Variants in AGXT2 observed in about 807,000 individuals in gnomAD.
The protein encoded by AGXT2 is alanine--glyoxylate aminotransferase 2, also known as alanine--glyoxylate aminotransferase 2, mitochondrial.
In AGXT2, 61 loss-of-function variants were observed where a neutral mutation model predicts 62.5. The observed-to-expected ratio is 0.98, with a 90% CI of 0.79 to 1.21. The LOEUF (loss-of-function observed/expected upper bound fraction) is 1.21. Ranked by LOEUF, AGXT2 falls within the 50% of genes most tolerant of loss-of-function variation. AGXT2 has a pLI of 0.00. For missense variants in AGXT2, 666 were observed against 641.5 expected (o/e 1.04, Z -0.41); for synonymous variants, 243 against 218.7 (o/e 1.11, Z -0.98).
Position 35,026,444 on chromosome 5 carries a change from T to G in AGXT2, c.836A>C (p.Lys279Thr). 1.2e-6 allele frequency: 2 copies of G among 1,614,186 alleles called. No individual in the cohort carries two copies. Among genetic ancestry groups the G allele is most frequent in the Non-Finnish European group, 1.7e-6 (2 of 1,180,012 alleles). Residue 279 changes from lysine to threonine, a missense_variant, in exon 8 of 14, where the codon AAG (lysine) becomes ACG (threonine). Lys to Thr is a moderately conservative substitution (Grantham distance 78). Transcript: ENST00000231420. ...FKDTLSTSVAKSIAGFFAEPI... is the reference protein window; with the variant it reads ...FKDTLSTSVATSIAGFFAEPI... ...TTCTGCGAAAAATCCAGCAATTGAC[T>G]TGGCCACAGATGTGCTCAGCGTATC...
intron 1 of AGXT2, among the ~76,000 whole-genome samples, chr5:35,043,943 T>C (rs1330776913): frequency 6.6e-6 from 1 of 152,174 alleles, no homozygotes; most frequent in Admixed American, 6.5e-5. Context: ...CTGTCTGCCT[T>C]GGCCTCTGGA....
chr5:35,027,067 T>C, intron 7 of AGXT2: 1 of 953,336 alleles, frequency 1.0e-6, no homozygotes, highest in African/African-American at 1.8e-5. Flanking sequence ...CCCTTGGCAC[T>C]TGGTCCTGTG....
intron 1 of AGXT2, among the ~76,000 whole-genome samples, chr5:35,042,385 G>A (rs1429523868): frequency 6.6e-6 from 1 of 151,918 alleles, no homozygotes; most frequent in Non-Finnish European, 1.5e-5. Context: ...AAAGAGGAAG[G>A]AAGAAATAGA....
At position 35,008,844 on chromosome 5, in the gene AGXT2, C is replaced by T. The variant is rs188218197; in HGVS notation, c.1338+1156G>A. 1.3e-3 allele frequency among the ~76,000 whole-genome samples: 193 copies of T among 152,308 alleles called. 1 individual carries two copies. Among genetic ancestry groups the T allele is most frequent in the African/African-American group, 4.4e-3 (181 of 41,568 alleles). ...CTAGGGAAAGCTGGATCCCTGTAGACATGAGGTTAGTCTGGCTATTCCTCC... is the reference window on the plus strand; with the variant it reads ...CTAGGGAAAGCTGGATCCCTGTAGATATGAGGTTAGTCTGGCTATTCCTCC... On this transcript the variant is annotated intron_variant, in intron 12 of 13. Coordinates refer to ENST00000231420, the MANE Select transcript of AGXT2 (RefSeq NM_031900.4).
intron 12 of AGXT2, among the ~76,000 whole-genome samples, chr5:35,008,448 T>C (rs941836585): frequency 6.6e-6 from 1 of 152,210 alleles, no homozygotes; most frequent in East Asian, 1.9e-4. Context: ...TTGAGGAGTA[T>C]AGATAACTTT....
At position 35,025,752 on chromosome 5, in the gene AGXT2, A is replaced by G. The variant is rs1486066292; in HGVS notation, c.963+11T>C. The G allele has an allele frequency of 2.5e-6, 4 of 1,613,476 alleles. No homozygotes were observed. The highest frequency in any genetic ancestry group is 2.5e-6 in the Non-Finnish European group (3 of 1,179,584). On this transcript the variant is annotated intron_variant, in intron 9 of 13. Coordinates refer to ENST00000231420, the MANE Select transcript of AGXT2 (RefSeq NM_031900.4). ...CCACTGCACTCAATGGCACCCTTAC[A>G]TGCCACTTACTTCATCTGCAATGCA...
At chr5:35,005,336 C>G (rs191691349) in intron 12 of AGXT2, among the ~76,000 whole-genome samples, 2 of 152,168 alleles carry the variant, frequency 1.3e-5, no homozygotes, top group Non-Finnish European at 2.9e-5. Context: ...TCAAGTGATT[C>G]GCCTGCCTCA....
intron 6 of AGXT2, chr5:35,033,039 T>C (rs1767631321): frequency 3.6e-6 from 2 of 561,184 alleles, no homozygotes; most frequent in African/African-American, 1.9e-5. Context: ...CTGATTTCAA[T>C]GTTAGCCTGG....
At chr5:35,002,652 C>T (rs1766272749) in intron 13 of AGXT2, among the ~76,000 whole-genome samples, 2 of 152,138 alleles carry the variant, frequency 1.3e-5, no homozygotes, top group African/African-American at 2.4e-5. Context: ...TTAGAAAGAG[C>T]GCCCTCACCA....
Position 35,010,517 on chromosome 5 carries a change from TA to T in AGXT2, c.1189-369del, listed in dbSNP as rs201418531. 4.8e-3 allele frequency among the ~76,000 whole-genome samples: 719 copies of T among 148,794 alleles called. 8 individuals carry two copies. Among genetic ancestry groups the T allele is most frequent in the African/African-American group, 0.017 (670 of 40,460 alleles). On this transcript the variant is annotated intron_variant, in intron 11 of 13. Coordinates refer to ENST00000231420, the MANE Select transcript of AGXT2 (RefSeq NM_031900.4). ...ATAGGGTGAAACCCCGTCTCTACTT[TA>T]AAAAAAAAATACAAAAATTAGCAGG...
chr5:35,028,040 A>G (rs1767425201), intron 7 of AGXT2, among the ~76,000 whole-genome samples: 1 of 151,694 alleles, frequency 6.6e-6, no homozygotes, highest in Non-Finnish European at 1.5e-5. Context: ...GTTTCCTATA[A>G]GATCCCTTAC....
At chr5:35,002,228 C>T (rs1215448580) in intron 13 of AGXT2, among the ~76,000 whole-genome samples, 2 of 151,938 alleles carry the variant, frequency 1.3e-5, no homozygotes. Context: ...TCACAGAGCA[C>T]ATCCCAGCAA....
chr5:35,010,653 C>T (rs1766604306), intron 11 of AGXT2, among the ~76,000 whole-genome samples: 2 of 151,998 alleles, frequency 1.3e-5, no homozygotes, highest in Admixed American at 6.6e-5. Context: ...CCACTGCACT[C>T]CAGCCTGGGT....
Position 35,039,500 on chromosome 5 carries a change from G to A in AGXT2, c.186C>T (p.Gly62=). Residue 62 remains glycine (G), a synonymous_variant, in exon 3 of 14, where the codon GGC becomes GGT. Coordinates refer to ENST00000231420, the MANE Select transcript of AGXT2 (RefSeq NM_031900.4). Reference sequence around the variant, plus strand: ...TGTGGATTTCCAGGACACGGTTGTAGCCAAGGGACTGTAGATAAACAAGAT... The same window carrying A: ...TGTGGATTTCCAGGACACGGTTGTAACCAAGGGACTGTAGATAAACAAGAT... ...DFMPERYQSL[G]YNRVLEIHKE... The A allele has an allele frequency of 6.2e-7, 1 of 1,613,830 alleles. No homozygotes were observed. The highest frequency in any genetic ancestry group is 8.5e-7 in the Non-Finnish European group (1 of 1,179,796).
chr5:35,035,403 C>T (rs2112272274), intron 4 of AGXT2, 87 bp from the exon 5 acceptor site: 1 of 1,100,924 alleles, frequency 9.1e-7, no homozygotes. Context: ...GGTGTCCAGC[C>T]CCTGAGTATT....
chr5:35,016,537 C>T (rs1766856168), intron 9 of AGXT2, among the ~76,000 whole-genome samples: 1 of 152,174 alleles, frequency 6.6e-6, no homozygotes, highest in Admixed American at 6.5e-5. Context: ...CGTCTGTGGT[C>T]ACCAGTCACC....
chr5:35,017,981 A>G (rs545053642), intron 9 of AGXT2, among the ~76,000 whole-genome samples: 69 of 152,334 alleles, frequency 4.5e-4, no homozygotes, highest in African/African-American at 1.6e-3. Flanking sequence ...CAGCGATGGA[A>G]GGTGAAATGA....
chr5:35,038,203 G>T lies in AGXT2; in HGVS notation c.362+1121C>A, dbSNP rs530873603. On this transcript the variant is annotated intron_variant, in intron 3 of 13. Transcript: ENST00000231420. ...GAAACTCCTGTGATCAGTGTTCCATGAAACTCACTTTAGAAAATTGTGGAG... is the reference window on the plus strand; with the variant it reads ...GAAACTCCTGTGATCAGTGTTCCATTAAACTCACTTTAGAAAATTGTGGAG... Among the ~76,000 whole-genome samples, 8 of 152,306 alleles carry T rather than the reference G, an allele frequency of 5.3e-5. No individual in the cohort carries two copies. The South Asian group carries it at 1.7e-3, about 32-fold the overall frequency.
chr5:35,009,979 G>T (rs1433220699), intron 12 of AGXT2, 21 bp downstream of exon 12: 28 of 1,613,988 alleles, frequency 1.7e-5, no homozygotes, highest in Non-Finnish European at 2.3e-5. Context: ...AGCTGAGAGA[G>T]AGGGGCAGAT....
Sources: gnomAD v4.1 joint callset for allele counts (sites outside exome capture counted in the v4.1 genomes callset) on GRCh38, gnomAD v4.1.1 for gene constraint, MANE v1.5 for transcripts, NCBI Gene and HGNC (gene_info 2026-07-23, HGNC 2026-07-21) for gene names.